PHACTR1: variants seen among roughly 807,000 people sequenced by gnomAD.
The protein encoded by PHACTR1 is RPEL repeat containing 1.
In PHACTR1, 16 loss-of-function variants were observed where a neutral mutation model predicts 69.2. The observed-to-expected ratio is 0.23, with a 90% CI of 0.16 to 0.35. PHACTR1 has a LOEUF of 0.35. Ranked by LOEUF, PHACTR1 falls within the 10% of genes least tolerant of loss-of-function variation. The pLI is 1.00. For synonymous variants in PHACTR1, 312 were observed against 284.5 expected, an observed-to-expected ratio of 1.10 and a Z score of -0.97; for missense variants, 510 against 734.7, an observed-to-expected ratio of 0.69 and a Z score of 3.54.
chr6:13,231,337 AG>A lies in PHACTR1; in HGVS notation c.1391+1146del, dbSNP rs1410862747. On this transcript the variant is annotated intron_variant, in intron 10 of 14. Transcript: ENST00000332995. ...GAGGGAGGAAGGAAAGAAGGAAGGA[AG>A]GAAGGGGAAAGAAAGAAGGAAAGAG... Among the ~76,000 whole-genome samples, 12 of 2,036 alleles carry A rather than the reference AG, an allele frequency of 5.9e-3. 5 individuals carry two copies. Among genetic ancestry groups the A allele is most frequent in the Admixed American group, 7.7e-3 (2 of 260 alleles). The allele number at this position is 2,036 out of a possible 152,430, so 1.3% of individuals were successfully genotyped here. A position where few individuals can be genotyped will look rare whatever the true frequency, so the allele number is the denominator to read the frequency against.
chr6:13,263,969 G>A (rs1186156283), intron 10 of PHACTR1, among the ~76,000 whole-genome samples: 1 of 152,236 alleles, frequency 6.6e-6, no homozygotes, highest in Non-Finnish European at 1.5e-5. Flanking sequence ...AAGATGGCAA[G>A]ATGCCCTGGG....
In PHACTR1 at chr6:12,838,550, A is replaced by G. The variant is rs73722872; in HGVS notation, c.250+88760A>G. On this transcript the variant is annotated intron_variant, in intron 4 of 14. Transcript: ENST00000332995. ...ATATTAAAAGTAGTAGTTTATAACAAGTTAAGTTGTCTTTGGTAAAATAAA... is the reference window on the plus strand; with the variant it reads ...ATATTAAAAGTAGTAGTTTATAACAGGTTAAGTTGTCTTTGGTAAAATAAA... 3.9e-3 allele frequency among the ~76,000 whole-genome samples: 601 copies of G among 152,364 alleles called. 5 individuals are homozygous for G. Among genetic ancestry groups the G allele is most frequent in the African/African-American group, 0.014 (576 of 41,590 alleles).
chr6:12,988,315 T>C (rs938607365), intron 4 of PHACTR1, among the ~76,000 whole-genome samples: 2 of 152,196 alleles, frequency 1.3e-5, no homozygotes, highest in South Asian at 4.1e-4. Context: ...CTAGAAATCA[T>C]CTCAAAGTGT....
intron 2 of PHACTR1, 22 bp downstream of exon 2, chr6:12,717,765 G>A (rs1188721164): frequency 6.6e-6 from 1 of 152,076 alleles, no homozygotes; most frequent in African/African-American, 2.4e-5. Context: ...TGCTATTGGG[G>A]TACCTTTGGG....
intron 4 of PHACTR1, among the ~76,000 whole-genome samples, chr6:12,797,040 T>TGTGTGTGTGA (rs563796658): frequency 1.8e-3 from 239 of 133,390 alleles, no homozygotes; most frequent in Non-Finnish European, 3.1e-3. Flanking sequence ...TGTGTGTGTG[T>TGTGTGTGTGA]GAGAGAGAGA....
intron 4 of PHACTR1, among the ~76,000 whole-genome samples, chr6:12,839,863 A>G (rs1284464654): frequency 6.6e-6 from 1 of 152,196 alleles, no homozygotes; most frequent in Non-Finnish European, 1.5e-5. Context: ...CTGTGACTAG[A>G]AGACCAGAGT....
intron 4 of PHACTR1, among the ~76,000 whole-genome samples, chr6:12,795,190 A>G (rs914486071): frequency 1.3e-5 from 2 of 152,094 alleles, no homozygotes; most frequent in African/African-American, 4.8e-5. Flanking sequence ...AAAAACCAAG[A>G]AATAATTTAC....
At chr6:12,721,601 A>T (rs1343642464) in intron 3 of PHACTR1, among the ~76,000 whole-genome samples, 1 of 152,034 alleles carries the variant, frequency 6.6e-6, no homozygotes, top group Admixed American at 6.6e-5. Flanking sequence ...CTTGTCCTTC[A>T]TTTCACTTTA....
chr6:13,065,953 A>G (rs1808561809), intron 5 of PHACTR1, among the ~76,000 whole-genome samples: 1 of 131,004 alleles, frequency 7.6e-6, no homozygotes, highest in South Asian at 2.3e-4. Flanking sequence ...TTTCTTCTTT[A>G]AAAAAAAAAA....
rs146413286 is a variant in PHACTR1 at position 12,960,871 on chromosome 6, T to A, written c.251-92494T>A. Among the ~76,000 whole-genome samples the A allele has an allele frequency of 6.6e-5, 10 of 152,348 alleles. No individual in the cohort carries two copies. In the East Asian group the frequency reaches 1.7e-3, roughly 26 times the overall value. On this transcript the variant is annotated intron_variant, in intron 4 of 14. Coordinates refer to ENST00000332995, the MANE Select transcript of PHACTR1 (RefSeq NM_030948.6). ...CTACTACCCTTAAATGGCCCCTTAATGACTGTGTTTGTATTTTCTTTTTGC... is the reference window on the plus strand; with the variant it reads ...CTACTACCCTTAAATGGCCCCTTAAAGACTGTGTTTGTATTTTCTTTTTGC...
chr6:12,941,868 G>A (rs1790095765), intron 4 of PHACTR1, among the ~76,000 whole-genome samples: 1 of 152,128 alleles, frequency 6.6e-6, no homozygotes, highest in Non-Finnish European at 1.5e-5. Flanking sequence ...TCATTATATG[G>A]GGCTTGCAAT....
At chr6:12,778,992 G>A (rs777145474) in intron 4 of PHACTR1, among the ~76,000 whole-genome samples, 3 of 152,136 alleles carry the variant, frequency 2.0e-5, no homozygotes, top group South Asian at 2.1e-4. Context: ...CAGTGCCCTC[G>A]TGATATGACA....
At chr6:12,830,957 T>C (rs1777502714) in intron 4 of PHACTR1, among the ~76,000 whole-genome samples, 1 of 152,206 alleles carries the variant, frequency 6.6e-6, no homozygotes, top group Admixed American at 6.5e-5. Flanking sequence ...AGTATGCTTT[T>C]GTTACATGGA....
chr6:13,097,369 C>G (rs1814435076), intron 5 of PHACTR1, among the ~76,000 whole-genome samples: 1 of 152,228 alleles, frequency 6.6e-6, no homozygotes, highest in Non-Finnish European at 1.5e-5. Context: ...CCTCCTGCCC[C>G]TAGTTCCACC....
chr6:12,763,790 T>C (rs140551647), intron 4 of PHACTR1, among the ~76,000 whole-genome samples: 178 of 152,348 alleles, frequency 1.2e-3, no homozygotes, highest in African/African-American at 4.0e-3. Context: ...AAATTATGCA[T>C]GATTCATTAA....
chr6:12,730,360 T>C (rs77193402), intron 3 of PHACTR1, among the ~76,000 whole-genome samples: 4,831 of 152,276 alleles, frequency 0.032, 237 homozygotes, highest in African/African-American at 0.11. Context: ...TTGAAATATT[T>C]ACATGAGCCA....
At chr6:12,774,548 C>G (rs1434624591) in intron 4 of PHACTR1, among the ~76,000 whole-genome samples, 1 of 152,080 alleles carries the variant, frequency 6.6e-6, no homozygotes, top group Non-Finnish European at 1.5e-5. Flanking sequence ...CCCACCACCA[C>G]ACCTGGCTAA....
chr6:12,979,834 C>T (rs978059524), intron 4 of PHACTR1, among the ~76,000 whole-genome samples: 5 of 151,710 alleles, frequency 3.3e-5, no homozygotes, highest in Admixed American at 6.6e-5. Context: ...CAAAATCAAA[C>T]GCTAAAAGGT....
rs774980871 is a variant in PHACTR1 at position 13,286,231 on chromosome 6, T to C, written c.1727+9T>C. 7.0e-5 allele frequency: 109 copies of C among 1,564,484 alleles called. 1 individual carries two copies. The highest frequency in any genetic ancestry group is 9.4e-5 in the Non-Finnish European group (109 of 1,160,974). On this transcript the variant is annotated intron_variant, in intron 14 of 14. Coordinates refer to ENST00000332995, the MANE Select transcript of PHACTR1 (RefSeq NM_030948.6). ...AGTAGACACTTAACAAGGTTAGTAT[T>C]AAGGGTTTTTTTTTTCCTTTTTTTC...
Sources: gnomAD v4.1 joint callset for allele counts (sites outside exome capture counted in the v4.1 genomes callset) on GRCh38, gnomAD v4.1.1 for gene constraint, MANE v1.5 for transcripts, NCBI Gene and HGNC (gene_info 2026-07-23, HGNC 2026-07-21) for gene names.